The following ZNRF1 variants were observed in gnomAD, a reference collection of about 807,000 sequenced individuals.
The protein encoded by ZNRF1 is zinc and ring finger 1, also known as E3 ubiquitin-protein ligase ZNRF1.
In ZNRF1, 3 loss-of-function variants were observed where a neutral mutation model predicts 18.4. The ratio of observed to expected loss-of-function variants is 0.16; its 90% confidence interval spans 0.07 to 0.42. The LOEUF (loss-of-function observed/expected upper bound fraction) is 0.42, where lower values mean the gene tolerates loss of function less well. Among genes scored for constraint, ZNRF1 ranks in the 10% least tolerant of loss-of-function variants. ZNRF1 has a pLI of 0.99. For missense variants in ZNRF1, 310 were observed against 329.8 expected, an observed-to-expected ratio of 0.94 and a Z score of 0.47; for synonymous variants, 157 against 144.2, an observed-to-expected ratio of 1.09 and a Z score of -0.64.
chr16:74,999,203 G>T lies in ZNRF1; in HGVS notation c.-469G>T, dbSNP rs1416374934. ...CCCGAGGCCTGGAGGGGTCCGGGCCGCCGTCCATGGTCGCGGCGTCCTGAG... is the reference window on the plus strand; with the variant it reads ...CCCGAGGCCTGGAGGGGTCCGGGCCTCCGTCCATGGTCGCGGCGTCCTGAG... On this transcript the variant is annotated 5_prime_UTR_variant, in exon 1 of 5. Coordinates refer to ENST00000335325, the MANE Select transcript of ZNRF1 (RefSeq NM_032268.5). 6.8e-6 allele frequency: 1 copy of T among 146,988 alleles called. No homozygotes were observed. The highest frequency in any genetic ancestry group is 1.5e-5 in the Non-Finnish European group (1 of 66,082). The allele number at this position is 146,988 out of a possible 1,614,324, so 9.1% of individuals were successfully genotyped here.
chr16:75,070,556 A>G (rs2035858494), intron 1 of ZNRF1, among the ~76,000 whole-genome samples: 2 of 152,114 alleles, frequency 1.3e-5, no homozygotes, highest in Admixed American at 1.3e-4. Context: ...ATTGCAGTTT[A>G]CTCTCCATAC....
At chr16:75,063,094 C>T (rs2035762400) in intron 1 of ZNRF1, among the ~76,000 whole-genome samples, 1 of 152,200 alleles carries the variant, frequency 6.6e-6, no homozygotes, top group Non-Finnish European at 1.5e-5. Flanking sequence ...CCTCACTTTA[C>T]GAGTGAAAAA....
At chr16:75,065,541 C>T (rs375396238) in intron 1 of ZNRF1, among the ~76,000 whole-genome samples, 3 of 152,152 alleles carry the variant, frequency 2.0e-5, no homozygotes, top group African/African-American at 4.8e-5. Flanking sequence ...AATTTGAGTT[C>T]GTCATCACAA....
chr16:75,044,566 A>G lies in ZNRF1; in HGVS notation c.424+44471A>G, dbSNP rs141875296. Among the ~76,000 whole-genome samples the G allele has an allele frequency of 3.5e-3, 524 of 151,506 alleles. 2 individuals carry two copies. Among genetic ancestry groups the G allele is most frequent in the African/African-American group, 0.012 (502 of 41,244 alleles). ...TTTAAATAGAGATGGGGGTCTTGCT[A>G]TATTGCCCAGGCTGGTCTTGAACTC... On this transcript the variant is annotated intron_variant, in intron 1 of 4. Transcript: ENST00000335325.
chr16:75,026,990 T>G (rs1198521053), intron 1 of ZNRF1, among the ~76,000 whole-genome samples: 2 of 152,168 alleles, frequency 1.3e-5, no homozygotes, highest in African/African-American at 4.8e-5. Flanking sequence ...TTCTAAATGC[T>G]TAACATTCAA....
rs1303532254 is a variant in ZNRF1 at position 75,110,276 on chromosome 16, G to A, written c.*2576G>A. On this transcript the variant is annotated 3_prime_UTR_variant, in exon 5 of 5. Coordinates refer to ENST00000335325, the MANE Select transcript of ZNRF1 (RefSeq NM_032268.5). ...TGTTTCCCAGGTGGAGCTCATGTTTGTGATCCTCTATCTGGACAGCTCTCC... is the reference window on the plus strand; with the variant it reads ...TGTTTCCCAGGTGGAGCTCATGTTTATGATCCTCTATCTGGACAGCTCTCC... The A allele has an allele frequency of 6.6e-6, 1 of 152,336 alleles. No homozygotes were observed. Among genetic ancestry groups the A allele is most frequent in the African/African-American group, 2.4e-5 (1 of 41,478 alleles). 9.4% of individuals were successfully genotyped at this position (152,336 alleles called of 1,614,324 possible).
intron 1 of ZNRF1, among the ~76,000 whole-genome samples, chr16:75,043,929 ACAGGCATGCAC>A (rs1171756117): frequency 6.6e-6 from 1 of 151,416 alleles, no homozygotes. Flanking sequence ...AGCTGGGATT[ACAGGCATGCAC>A]CACCATACCC....
chr16:75,065,179 G>A (rs1308017957), intron 1 of ZNRF1, among the ~76,000 whole-genome samples: 1 of 152,232 alleles, frequency 6.6e-6, no homozygotes, highest in African/African-American at 2.4e-5. Flanking sequence ...AGCTGAAGAC[G>A]AGGAAAAGCA....
At chr16:75,042,320 A>G (rs993074862) in intron 1 of ZNRF1, among the ~76,000 whole-genome samples, 6 of 152,168 alleles carry the variant, frequency 3.9e-5, no homozygotes, top group Admixed American at 1.3e-4. Context: ...GTCTAGACCA[A>G]GGTTACAAAA....
chr16:75,072,811 G>C (rs1484613894), intron 1 of ZNRF1, among the ~76,000 whole-genome samples: 1 of 152,128 alleles, frequency 6.6e-6, no homozygotes, highest in East Asian at 1.9e-4. Context: ...TTGGAAGCAG[G>C]TGGCCCTGTG....
At chr16:75,067,504 A>G (rs1273320373) in intron 1 of ZNRF1, among the ~76,000 whole-genome samples, 1 of 152,232 alleles carries the variant, frequency 6.6e-6, no homozygotes, top group Non-Finnish European at 1.5e-5. Context: ...CTTATTTTTA[A>G]ATGCATTTGG....
chr16:75,089,775 G>C (rs1033746084), intron 1 of ZNRF1, among the ~76,000 whole-genome samples: 2 of 152,166 alleles, frequency 1.3e-5, no homozygotes, highest in Non-Finnish European at 2.9e-5. Flanking sequence ...TGAATGTCTG[G>C]TGACATTCCC....
At chr16:75,011,425 G>T (rs2034998841) in intron 1 of ZNRF1, among the ~76,000 whole-genome samples, 1 of 152,056 alleles carries the variant, frequency 6.6e-6, no homozygotes, top group Non-Finnish European at 1.5e-5. Flanking sequence ...CAGAGACAAG[G>T]TCTCACTATG....
chr16:75,004,740 A>G (rs951267022), intron 1 of ZNRF1, among the ~76,000 whole-genome samples: 7 of 152,054 alleles, frequency 4.6e-5, no homozygotes, highest in Admixed American at 2.0e-4. Flanking sequence ...CAGCTTCCAG[A>G]GTAGCTGGGA....
intron 2 of ZNRF1, 51 bp downstream of exon 2, chr16:75,093,718 C>T (rs372701271): frequency 5.0e-5 from 75 of 1,487,036 alleles, no homozygotes; most frequent in Non-Finnish European, 6.7e-5. Context: ...TCGGGGGAGC[C>T]GGCCAGTCCT....
At chr16:75,063,177 T>A (rs2035763433) in intron 1 of ZNRF1, among the ~76,000 whole-genome samples, 1 of 152,174 alleles carries the variant, frequency 6.6e-6, no homozygotes, top group Non-Finnish European at 1.5e-5. Flanking sequence ...AACGTACCTG[T>A]TGTCAGCTCC....
intron 1 of ZNRF1, among the ~76,000 whole-genome samples, chr16:75,041,581 C>G (rs2035447542): frequency 6.6e-6 from 1 of 151,976 alleles, no homozygotes; most frequent in East Asian, 1.9e-4. Context: ...ACGCCCGCCT[C>G]AGCCTCTCAA....
intron 1 of ZNRF1, among the ~76,000 whole-genome samples, chr16:75,029,220 C>T (rs2035267318): frequency 6.6e-6 from 1 of 152,058 alleles, no homozygotes; most frequent in Non-Finnish European, 1.5e-5. Context: ...CATCTCAGCT[C>T]ACTGCAAGCT....
At chr16:75,000,161 C>T (rs62061439) in intron 1 of ZNRF1, 66 bp downstream of exon 1, 4 of 1,551,400 alleles carry the variant, frequency 2.6e-6, no homozygotes, top group East Asian at 2.4e-5. Flanking sequence ...CCTTCGCGTG[C>T]GTGCCAAGGT....
Sources: gnomAD v4.1 joint callset for allele counts (sites outside exome capture counted in the v4.1 genomes callset) on GRCh38, gnomAD v4.1.1 for gene constraint, MANE v1.5 for transcripts, NCBI Gene and HGNC (gene_info 2026-07-23, HGNC 2026-07-21) for gene names.